The following KEAP1 variants were observed in gnomAD, a reference collection of about 807,000 sequenced individuals.
The protein encoded by KEAP1 is kelch-like ECH-associated protein 1.
In KEAP1, 26 loss-of-function variants were observed where a neutral mutation model predicts 59.7. The observed-to-expected ratio is 0.44, with a 90% CI of 0.32 to 0.60. The LOEUF is 0.60. KEAP1 is among the 20% of genes least tolerant of loss of function. The pLI is 0.06. For missense variants in KEAP1, 539 were observed against 871.4 expected (o/e 0.62, Z 4.80); for synonymous variants, 350 against 358.3 (o/e 0.98, Z 0.26).
chr19:10,501,626 T>A (rs1028334699), intron 1 of KEAP1, among the ~76,000 whole-genome samples: 1 of 151,852 alleles, frequency 6.6e-6, no homozygotes, highest in African/African-American at 2.4e-5. Context: ...CAAGACTCCA[T>A]CTCAAATAAA....
At chr19:10,490,823 G>A (rs1914645169) in intron 3 of KEAP1, 1 of 152,140 alleles carries the variant, frequency 6.6e-6, no homozygotes, top group Non-Finnish European at 1.5e-5. Flanking sequence ...AAACACATCT[G>A]ATAAACCCCT....
At chr19:10,487,994 G>A (rs1914527058) in intron 5 of KEAP1, among the ~76,000 whole-genome samples, 1 of 152,108 alleles carries the variant, frequency 6.6e-6, no homozygotes, top group Non-Finnish European at 1.5e-5. Context: ...CGGGCGTGGT[G>A]GCGCATGCCT....
At chr19:10,492,550 T>A (rs1307906024) in intron 2 of KEAP1, 1 of 360,672 alleles carries the variant, frequency 2.8e-6, no homozygotes, top group African/African-American at 2.1e-5. Flanking sequence ...AAACCCCATC[T>A]CTACTAAAAA....
chr19:10,499,130 C>G lies in KEAP1; in HGVS notation c.639+265G>C, dbSNP rs763820140. On this transcript the variant is annotated intron_variant, in intron 2 of 5. Transcript: ENST00000171111. This position sits in a 1 kb window ranked among gnomAD's most constrained non-coding sequence, Gnocchi z 6.7. ...GATTACAGGCATGAGCCACCACGCC[C>G]GGCCCCAGTTGTTTTTTGTTTGTGT... Among the ~76,000 whole-genome samples the G allele has an allele frequency of 1.3e-5, 2 of 152,098 alleles. No homozygotes were observed. The highest frequency in any genetic ancestry group is 4.8e-5 in the African/African-American group (2 of 41,426).
intron 2 of KEAP1, among the ~76,000 whole-genome samples, chr19:10,493,310 G>A (rs867263114): frequency 1.4e-5 from 2 of 146,276 alleles, no homozygotes; most frequent in South Asian, 2.2e-4. Flanking sequence ...AGGCGCCCGC[G>A]ACCACGCCCA....
At chr19:10,495,026 G>C (rs754825993) in intron 2 of KEAP1, among the ~76,000 whole-genome samples, 1 of 150,980 alleles carries the variant, frequency 6.6e-6, no homozygotes, top group African/African-American at 2.4e-5. Flanking sequence ...GCGTGATCTC[G>C]GCTCACTGCA....
At chr19:10,498,216 T>C (rs1568400990) in intron 2 of KEAP1, among the ~76,000 whole-genome samples, 1 of 146,714 alleles carries the variant, frequency 6.8e-6, no homozygotes, top group East Asian at 2.0e-4. Flanking sequence ...TTTTTTTTTT[T>C]TGAGACAGAG....
chr19:10,489,795 C>T lies in KEAP1; in HGVS notation c.1384G>A (p.Gly462Arg), dbSNP rs2144590833. 6.2e-7 allele frequency: 1 copy of T among 1,614,100 alleles called. No individual in the cohort carries two copies. The highest frequency in any genetic ancestry group is 2.2e-5 in the East Asian group (1 of 44,882). The stretch of plus-strand genomic sequence containing the variant: ...CGATTGAGGACAGCCACGCCCACCC[C>T]GATCCTTCGTGTCAGCATTGGGGCC... ...LVAPMLTRRIGVGVAVLNRLL... is the reference protein window; with the variant it reads ...LVAPMLTRRIRVGVAVLNRLL... Residue 462 changes from glycine (G) to arginine (R), a missense_variant, in exon 4 of 6, where the codon GGG (glycine) becomes AGG (arginine). This residue lies in a region of KEAP1 where 311 missense variants were observed against 425.2 expected (regional missense o/e 0.73). Transcript: ENST00000171111.
chr19:10,499,779 G>A lies in KEAP1; in HGVS notation c.255C>T (p.Tyr85=), dbSNP rs2144628611. ...TGAACTGGGCGGCCGGTGCATCCTG[G>A]TACTTGACCTGCAGTGTGACGTCAC... ...QLCDVTLQVK[Y]QDAPAAQFMA... The change falls in exon 2 of 6, where the codon TAC becomes TAT. Residue 85 remains tyrosine, a synonymous_variant. Coordinates refer to ENST00000171111, the MANE Select transcript of KEAP1 (RefSeq NM_203500.2). This position sits in a 1 kb window ranked among gnomAD's most constrained non-coding sequence, Gnocchi z 6.7. 1.2e-6 allele frequency: 2 copies of A among 1,614,120 alleles called. No individual in the cohort carries two copies. Among genetic ancestry groups the A allele is most frequent in the Non-Finnish European group, 1.7e-6 (2 of 1,180,040 alleles).
intron 5 of KEAP1, among the ~76,000 whole-genome samples, chr19:10,488,554 G>A (rs1223529174): frequency 6.6e-6 from 1 of 151,970 alleles, no homozygotes. Context: ...GGAGGTTGCA[G>A]TGAGCTGAGA....
Position 10,489,920 on chromosome 19 carries a change from C to T in KEAP1, c.1326-67G>A, listed in dbSNP as rs541273639. The T allele has an allele frequency of 1.6e-5, 23 of 1,420,706 alleles. No individual in the cohort carries two copies. In the East Asian group the frequency reaches 4.9e-4, roughly 30 times the overall value. 88.0% of individuals were successfully genotyped at this position (1,420,706 alleles called of 1,614,324 possible). On this transcript the variant is annotated intron_variant, in intron 3 of 5. Coordinates refer to ENST00000171111, the MANE Select transcript of KEAP1 (RefSeq NM_203500.2). ...CTGACCTTCGTGGAATACTTAAGGG[C>T]CAGATACTCTTTTTTTTCCTTTTTT...
At position 10,492,026 on chromosome 19, in the gene KEAP1, C is replaced by T. The variant is rs1465808557; in HGVS notation, c.876G>A (p.Gln292=). ...QMQLQKCEIL[Q]SDSRCKDYLV... Reference sequence around the variant, plus strand: ...GGTAGTCCTTGCAGCGGGAGTCGGACTGCAGGATCTCGCACTTCTGCAGCT... The same window carrying T: ...GGTAGTCCTTGCAGCGGGAGTCGGATTGCAGGATCTCGCACTTCTGCAGCT... The change falls in exon 3 of 6, where the codon CAG becomes CAA. Residue 292 remains glutamine (Q), a synonymous_variant. Coordinates refer to ENST00000171111, the MANE Select transcript of KEAP1 (RefSeq NM_203500.2). The T allele has an allele frequency of 2.5e-6, 4 of 1,613,956 alleles. No individual in the cohort carries two copies. In the South Asian group the frequency reaches 3.3e-5, roughly 13 times the overall value.
intron 2 of KEAP1, chr19:10,492,835 T>G (rs932276814): frequency 1.3e-5 from 2 of 151,344 alleles, no homozygotes; most frequent in African/African-American, 4.9e-5. Context: ...TTGGCTTTGG[T>G]TTTTGAGACA....
rs756025176 is a variant in KEAP1 at position 10,491,957 on chromosome 19, C to T, written c.945G>A (p.Gln315=). ...CCTTGGGCGCCCGGCAGGGCATCACCTGCGTGGGCTTGTGCAGGGTGAGCT... is the reference window on the plus strand; with the variant it reads ...CCTTGGGCGCCCGGCAGGGCATCACTTGCGTGGGCTTGTGCAGGGTGAGCT... ...FEELTLHKPT[Q]VMPCRAPKVG... The change falls in exon 3 of 6, where the codon CAG becomes CAA. Residue 315 remains glutamine (Q), a synonymous_variant. Coordinates refer to ENST00000171111, the MANE Select transcript of KEAP1 (RefSeq NM_203500.2). This position sits in a 1 kb window ranked among gnomAD's most constrained non-coding sequence, Gnocchi z 5.2. 1.9e-6 allele frequency: 3 copies of T among 1,613,866 alleles called. No homozygotes were observed. Among genetic ancestry groups the T allele is most frequent in the Non-Finnish European group, 2.5e-6 (3 of 1,180,002 alleles).
Position 10,502,837 on chromosome 19 carries a change from C to G in KEAP1, c.-48+404G>C, listed in dbSNP as rs978282547. On this transcript the variant is annotated intron_variant, in intron 1 of 5. Transcript: ENST00000171111. This position sits in a 1 kb window ranked among gnomAD's most constrained non-coding sequence, Gnocchi z 4.0. ...CGCCCGCCGTGTCACAATAAAAGTC[C>G]CCGGGCCCTGGCCTCAGGCGGTAGG... 2 of 152,136 alleles carry G rather than the reference C, an allele frequency of 1.3e-5. No homozygotes were observed. Among genetic ancestry groups the G allele is most frequent in the Non-Finnish European group, 2.9e-5 (2 of 68,024 alleles). The allele number at this position is 152,136 out of a possible 1,614,324, so 9.4% of individuals were successfully genotyped here.
Position 10,489,331 on chromosome 19 carries a change from C to G in KEAP1, c.1569G>C (p.Gly523=), listed in dbSNP as rs2144587433. 1 of 1,614,002 alleles carries G rather than the reference C, an allele frequency of 6.2e-7. No individual in the cohort carries two copies. The highest frequency in any genetic ancestry group is 8.5e-7 in the Non-Finnish European group (1 of 1,179,966). The change falls in exon 5 of 6, where the codon GGG becomes GGC. Residue 523 remains glycine (G), a synonymous_variant. Transcript: ENST00000171111. ...TCAGCTGGTCCTGACCATCATAGCCCCCAGCAGCATAGATACAGTTGTGCA... is the reference window on the plus strand; with the variant it reads ...TCAGCTGGTCCTGACCATCATAGCCGCCAGCAGCATAGATACAGTTGTGCA... ...CVLHNCIYAA[G]GYDGQDQLNS... is the part of the protein sequence containing the mutation.
chr19:10,488,546 A>G (rs1046059781), intron 5 of KEAP1, among the ~76,000 whole-genome samples: 6 of 151,924 alleles, frequency 3.9e-5, no homozygotes, highest in Admixed American at 3.3e-4. Context: ...CAGGAGGCGG[A>G]GGTTGCAGTG....
At chr19:10,490,072 T>C (rs950379911) in intron 3 of KEAP1, among the ~76,000 whole-genome samples, 2 of 151,592 alleles carry the variant, frequency 1.3e-5, no homozygotes, top group African/African-American at 4.8e-5. Flanking sequence ...GCCAACATGG[T>C]AAAAACCTGT....
rs1179272824 is a variant in KEAP1, at chr19:10,502,835, T to TC, written c.-48+405dup. On this transcript the variant is annotated intron_variant, in intron 1 of 5. Transcript: ENST00000171111. The surrounding 1 kb of genome is among the most constrained non-coding windows in gnomAD (Gnocchi z 4.0). ...GGCGCCCGCCGTGTCACAATAAAAG[T>TC]CCCCGGGCCCTGGCCTCAGGCGGTA... The TC allele has an allele frequency of 6.6e-6, 1 of 151,646 alleles. No individual in the cohort carries two copies. The allele number at this position is 151,646 out of a possible 1,614,324, so 9.4% of individuals were successfully genotyped here. A position where few individuals can be genotyped will look rare whatever the true frequency, so the allele number is the denominator to read the frequency against.
Sources: allele counts gnomAD v4.1 joint callset (sites outside exome capture counted in the v4.1 genomes callset), GRCh38; gene constraint gnomAD v4.1.1; regional missense constraint gnomAD v4.1.1; non-coding constraint Gnocchi (gnomAD v3.1); transcripts MANE v1.5; gene names NCBI Gene and HGNC (gene_info 2026-07-23, HGNC 2026-07-21).